Variants in GRID1 observed in about 807,000 individuals in gnomAD.
GRID1 encodes the protein glutamate receptor ionotropic, delta-1.
A neutral mutation model predicts 98.0 loss-of-function variants in GRID1; 28 were observed. The observed-to-expected ratio is 0.29, with a 90% CI of 0.21 to 0.39. GRID1 has a LOEUF of 0.39. Ranked by LOEUF, GRID1 falls within the 10% of genes least tolerant of loss-of-function variation. The pLI is 1.00. For synonymous variants in GRID1, 553 were observed against 538.5 expected (o/e 1.03, Z -0.37); for missense variants, 1,111 against 1,340.5 (o/e 0.83, Z 2.67).
chr10:86,170,959 C>T (rs755887294), intron 3 of GRID1, among the ~76,000 whole-genome samples: 4 of 152,100 alleles, frequency 2.6e-5, no homozygotes, highest in Non-Finnish European at 5.9e-5. Flanking sequence ...ACTCATTAAG[C>T]ACTTCTGCTT....
intron 6 of GRID1, among the ~76,000 whole-genome samples, chr10:85,862,394 T>C (rs1419053171): frequency 6.6e-6 from 1 of 152,118 alleles, no homozygotes; most frequent in Non-Finnish European, 1.5e-5. Context: ...AGACAAGTGG[T>C]GGTGGATAGA....
At chr10:85,806,852 G>T (rs1346099053) in intron 8 of GRID1, among the ~76,000 whole-genome samples, 1 of 152,144 alleles carries the variant, frequency 6.6e-6, no homozygotes, top group Non-Finnish European at 1.5e-5. Flanking sequence ...CTTAAATAGG[G>T]TGGTGGTTAC....
intron 4 of GRID1, among the ~76,000 whole-genome samples, chr10:86,079,298 G>A (rs944480823): frequency 2.6e-5 from 4 of 152,174 alleles, no homozygotes; most frequent in Non-Finnish European, 4.4e-5. Context: ...ACACAGTTCC[G>A]AAAAGGAATC....
chr10:86,080,044 G>T (rs1056510881), intron 4 of GRID1, among the ~76,000 whole-genome samples: 1 of 152,066 alleles, frequency 6.6e-6, no homozygotes, highest in Admixed American at 6.6e-5. Context: ...GTTAAGAAAC[G>T]GAGTAAGGGC....
At chr10:86,363,206 G>T (rs1230747957) in intron 2 of GRID1, among the ~76,000 whole-genome samples, 1 of 152,250 alleles carries the variant, frequency 6.6e-6, no homozygotes, top group Admixed American at 6.5e-5. Flanking sequence ...CGCCTGCCGC[G>T]GGGCCCGACC....
chr10:85,622,255 GA>G (rs1489591619), intron 13 of GRID1, among the ~76,000 whole-genome samples: 1 of 151,382 alleles, frequency 6.6e-6, no homozygotes, highest in Non-Finnish European at 1.5e-5. Context: ...ATCCAGAAGG[GA>G]TGCTGGCAAT....
intron 5 of GRID1, among the ~76,000 whole-genome samples, chr10:85,887,424 C>G (rs1841132779): frequency 6.6e-6 from 1 of 152,194 alleles, no homozygotes; most frequent in Non-Finnish European, 1.5e-5. Flanking sequence ...GCCACAGCAA[C>G]TTGCCAAAGA....
chr10:86,183,201 T>C (rs898659208), intron 3 of GRID1, among the ~76,000 whole-genome samples: 1 of 152,200 alleles, frequency 6.6e-6, no homozygotes, highest in Non-Finnish European at 1.5e-5. Flanking sequence ...TTTGTATAAA[T>C]GTAATCACAT....
intron 12 of GRID1, among the ~76,000 whole-genome samples, chr10:85,714,649 T>C (rs991223044): frequency 6.6e-6 from 1 of 151,936 alleles, no homozygotes; most frequent in African/African-American, 2.4e-5. Context: ...TAAAATAGCA[T>C]AAAAATAAAA....
At position 85,707,439 on chromosome 10, in the gene GRID1, C is replaced by T. The variant is rs569093996; in HGVS notation, c.1997+15564G>A. 2.6e-5 allele frequency among the ~76,000 whole-genome samples: 4 copies of T among 152,234 alleles called. No homozygotes were observed. In the East Asian group the frequency reaches 5.8e-4, roughly 22 times the overall value. The stretch of plus-strand genomic sequence containing the variant: ...TACCATCTCACACCAGTTAGAATGG[C>T]AATCATTAAAAAGTCAGGAAACAAC... On this transcript the variant is annotated intron_variant, in intron 12 of 15. Transcript: ENST00000327946.
chr10:85,936,402 A>G (rs529326272), intron 4 of GRID1, among the ~76,000 whole-genome samples: 4 of 152,368 alleles, frequency 2.6e-5, no homozygotes, highest in African/African-American at 9.6e-5. Context: ...AGGCAGCCAC[A>G]TGAATCGCAT....
At position 86,138,886 on chromosome 10, in the gene GRID1, T is replaced by A. The variant is rs1355977789; in HGVS notation, c.659A>T (p.Tyr220Phe). ...TTMKTEELNRYRDTLRRAILL... is the reference protein window; with the variant it reads ...TTMKTEELNRFRDTLRRAILL... The stretch of plus-strand genomic sequence containing the variant: ...GATGGCGCGGCGAAGCGTGTCCCGG[T>A]AGCGATTCAGCTCCTCTGTCTTCAT... Residue 220 changes from tyrosine (Y) to phenylalanine (F), a missense_variant, in exon 4 of 16, where the codon TAC becomes TTC. Around this residue, in one of 3 missense-constraint regions of GRID1, gnomAD observed 346 missense variants for 452.3 expected, o/e 0.76. Transcript: ENST00000327946. 1.2e-6 allele frequency: 2 copies of A among 1,614,196 alleles called. No individual in the cohort carries two copies. Among genetic ancestry groups the A allele is most frequent in the Admixed American group, 1.7e-5 (1 of 60,022 alleles).
chr10:85,689,810 G>C (rs10749527), intron 12 of GRID1, among the ~76,000 whole-genome samples: 145,175 of 152,312 alleles, frequency 0.95, 69,271 homozygotes, highest in East Asian at 1. Context: ...GTCTTACATG[G>C]TAGAGAATAT....
chr10:85,856,609 A>G (rs1382963766), intron 6 of GRID1, among the ~76,000 whole-genome samples: 1 of 152,252 alleles, frequency 6.6e-6, no homozygotes, highest in Non-Finnish European at 1.5e-5. Context: ...GGCCAGGTAC[A>G]GCACAGTCCA....
chr10:85,668,185 G>T (rs1841044361), intron 12 of GRID1, among the ~76,000 whole-genome samples: 1 of 152,214 alleles, frequency 6.6e-6, no homozygotes, highest in Admixed American at 6.5e-5. Context: ...GGATCCCAGG[G>T]AAGGAAATGC....
In GRID1 at chr10:85,798,389, T is replaced by C. The variant is rs116238594; in HGVS notation, c.1233+56107A>G. ...AACAGTATAGAGAATATATAGACAGTAGTGGAATTGTCGGATTATATGGTA... is the reference window on the plus strand; with the variant it reads ...AACAGTATAGAGAATATATAGACAGCAGTGGAATTGTCGGATTATATGGTA... On this transcript the variant is annotated intron_variant, in intron 8 of 15. Transcript: ENST00000327946. Among the ~76,000 whole-genome samples the C allele has an allele frequency of 9.8e-4, 149 of 152,330 alleles. 1 individual carries two copies. The highest frequency in any genetic ancestry group is 3.4e-3 in the African/African-American group (143 of 41,584).
At chr10:85,632,669 G>A (rs567259796) in intron 13 of GRID1, among the ~76,000 whole-genome samples, 10 of 151,878 alleles carry the variant, frequency 6.6e-5, no homozygotes, top group South Asian at 2.1e-4. Flanking sequence ...TCAGCCTCCC[G>A]AGTAGCTGGG....
intron 4 of GRID1, among the ~76,000 whole-genome samples, chr10:86,138,230 T>C (rs745643123): frequency 1.5e-4 from 23 of 152,238 alleles, no homozygotes; most frequent in Non-Finnish European, 2.8e-4. Context: ...TACAAATGAA[T>C]GGATTCTTTA....
At chr10:85,935,372 CCT>C (rs1346407194) in intron 4 of GRID1, among the ~76,000 whole-genome samples, 4 of 152,134 alleles carry the variant, frequency 2.6e-5, no homozygotes, top group African/African-American at 9.7e-5. Context: ...TTACAAATAT[CCT>C]CCCAAAATCA....
Sources: allele counts gnomAD v4.1 joint callset (sites outside exome capture counted in the v4.1 genomes callset), GRCh38; gene constraint gnomAD v4.1.1; regional missense constraint gnomAD v4.1.1; transcripts MANE v1.5; gene names NCBI Gene and HGNC (gene_info 2026-07-23, HGNC 2026-07-21).